CWH43: variants seen among roughly 807,000 people sequenced by gnomAD.
CWH43 encodes PGAP2-interacting protein.
A neutral mutation model predicts 85.7 loss-of-function variants in CWH43; 91 were observed. That is an observed-to-expected ratio of 1.06 (90% confidence interval 0.90 to 1.26). The LOEUF (loss-of-function observed/expected upper bound fraction) is 1.26, where lower values mean the gene tolerates loss of function less well. CWH43 is among the 50% of genes most tolerant of loss of function. The pLI, the probability that CWH43 is intolerant of heterozygous loss-of-function variation, is 0.00. For synonymous variants in CWH43, 323 were observed against 293.6 expected (o/e 1.10, Z -1.02); for missense variants, 869 against 839.2 (o/e 1.04, Z -0.44).
rs538616012 is a variant in CWH43, at chr4:49,061,875, CA to C, written c.2088del (p.Lys696AsnfsTer23). 7.2e-3 allele frequency: 9,996 copies of C among 1,378,812 alleles called. 47 individuals carry two copies. Among genetic ancestry groups the C allele is most frequent in the Non-Finnish European group, 8.6e-3 (8,970 of 1,037,022 alleles). The allele number at this position is 1,378,812 out of a possible 1,614,324, so 85.4% of individuals were successfully genotyped here. ...ACCATCATTTTCATATGAATACTCCCAAATACTTTTTATGAAACATTTAAAA... is the reference window on the plus strand; with the variant it reads ...ACCATCATTTTCATATGAATACTCCCAATACTTTTTATGAAACATTTAAAA... ...NNHHFHMNTP[K>X]YFL is the part of the protein sequence containing the mutation. On this transcript the variant is annotated frameshift_variant, in exon 16 of 16. Coordinates refer to ENST00000226432, the MANE Select transcript of CWH43 (RefSeq NM_025087.3). LOFTEE classifies it high-confidence loss of function.
chr4:49,016,765 G>A (rs1157714902), intron 8 of CWH43: 4 of 777,514 alleles, frequency 5.1e-6, no homozygotes, highest in Non-Finnish European at 2.4e-6. Flanking sequence ...CTTGCATCTA[G>A]CTTCTTCCCA....
At chr4:49,053,886 A>T (rs577017421) in intron 15 of CWH43, among the ~76,000 whole-genome samples, 4 of 152,146 alleles carry the variant, frequency 2.6e-5, no homozygotes, top group Non-Finnish European at 4.4e-5. Flanking sequence ...AATCTGAAAT[A>T]CTTCTGGTCC....
chr4:49,010,993 C>T (rs551411197), intron 8 of CWH43, among the ~76,000 whole-genome samples: 20 of 152,082 alleles, frequency 1.3e-4, no homozygotes, highest in South Asian at 8.3e-4. Context: ...CTATTAGTTC[C>T]GCTTGGTGCA....
chr4:49,003,715 C>A lies in CWH43; in HGVS notation c.803-20C>A. ...AGCTCGACTGCTTTCCTGTCTGATT[C>A]TTTTCTCTCTCACAAACAGGAACAG... On this transcript the variant is annotated intron_variant, in intron 6 of 15. Coordinates refer to ENST00000226432, the MANE Select transcript of CWH43 (RefSeq NM_025087.3). 1.2e-6 allele frequency: 2 copies of A among 1,612,732 alleles called. No individual in the cohort carries two copies. The highest frequency in any genetic ancestry group is 2.7e-5 in the African/African-American group (2 of 74,934).
intron 12 of CWH43, among the ~76,000 whole-genome samples, chr4:49,035,649 T>C (rs1482914350): frequency 1.3e-5 from 2 of 152,196 alleles, no homozygotes; most frequent in Non-Finnish European, 2.9e-5. Context: ...TATTAACAGA[T>C]AAGAAAACAT....
At chr4:49,006,026 A>T (rs1783145316) in intron 7 of CWH43, among the ~76,000 whole-genome samples, 1 of 152,214 alleles carries the variant, frequency 6.6e-6, no homozygotes, top group African/African-American at 2.4e-5. Context: ...TCATCTAATG[A>T]GAGAAACACA....
intron 6 of CWH43, among the ~76,000 whole-genome samples, chr4:49,001,189 G>A (rs1367134626): frequency 4.6e-5 from 7 of 152,258 alleles, no homozygotes; most frequent in Admixed American, 3.9e-4. Context: ...AATTAGTAAA[G>A]CCAGAGTTCT....
At chr4:49,061,734 G>T in intron 15 of CWH43, 78 bp from the exon 16 acceptor site, 1 of 1,136,784 alleles carries the variant, frequency 8.8e-7, no homozygotes, top group Non-Finnish European at 1.1e-6. Context: ...TTTTATGATT[G>T]AAATTTTACA....
intron 12 of CWH43, among the ~76,000 whole-genome samples, chr4:49,033,333 C>T (rs1784161037): frequency 6.6e-6 from 1 of 152,158 alleles, no homozygotes. Context: ...ACTGATAAGC[C>T]TATTTGGACA....
At chr4:49,030,801 T>C (rs773487070) in intron 10 of CWH43, 24 bp from the exon 11 acceptor site, 13 of 1,548,520 alleles carry the variant, frequency 8.4e-6, no homozygotes. Context: ...CATCACTGTA[T>C]GCTACTTTTT....
chr4:49,004,980 CATTTT>C (rs1363432318), intron 7 of CWH43, among the ~76,000 whole-genome samples: 2 of 152,004 alleles, frequency 1.3e-5, no homozygotes, highest in Non-Finnish European at 2.9e-5. Context: ...TGTTGTGAAT[CATTTT>C]AGTTTACATA....
chr4:49,055,591 A>ATTTTTTTTT, intron 15 of CWH43, among the ~76,000 whole-genome samples: 1 of 142,028 alleles, frequency 7.0e-6, no homozygotes, highest in Non-Finnish European at 1.5e-5. Context: ...TTTTTCTTTC[A>ATTTTTTTTT]TTTTTTTTTT....
At position 49,062,079 on chromosome 4, in the gene CWH43, A is replaced by G. The variant is rs1785179473; in HGVS notation, c.*189A>G. Reference sequence around the variant, plus strand: ...TTGCTTAATAAAAACATTTCTCTAAATTGTTTTCCCTAAATTTTGATAAAA... The same window carrying G: ...TTGCTTAATAAAAACATTTCTCTAAGTTGTTTTCCCTAAATTTTGATAAAA... On this transcript the variant is annotated 3_prime_UTR_variant, in exon 16 of 16. Transcript: ENST00000226432. The G allele has an allele frequency of 1.6e-5, 5 of 318,916 alleles. No individual in the cohort carries two copies. The East Asian group carries it at 2.7e-4, about 17-fold the overall frequency. 19.8% of individuals were successfully genotyped at this position (318,916 alleles called of 1,614,324 possible). A position where few individuals can be genotyped will look rare whatever the true frequency, so the allele number is the denominator to read the frequency against.
intron 8 of CWH43, chr4:49,016,646 T>A: frequency 1.3e-6 from 1 of 754,268 alleles, no homozygotes; most frequent in Middle Eastern, 2.9e-4. Context: ...ATCAGAAGCA[T>A]GTGCAGGGGA....
At chr4:49,060,602 T>C (rs1033850031) in intron 15 of CWH43, among the ~76,000 whole-genome samples, 6 of 152,198 alleles carry the variant, frequency 3.9e-5, no homozygotes, top group African/African-American at 1.4e-4. Flanking sequence ...CTACTTACTA[T>C]GCTACCTAGT....
At chr4:49,052,438 T>A (rs567722078) in intron 15 of CWH43, among the ~76,000 whole-genome samples, 1 of 152,288 alleles carries the variant, frequency 6.6e-6, no homozygotes, top group African/African-American at 2.4e-5. Context: ...GCATAGTGAG[T>A]GCTTATTGTT....
At chr4:49,018,501 A>G (rs1783633976) in intron 9 of CWH43, among the ~76,000 whole-genome samples, 1 of 152,202 alleles carries the variant, frequency 6.6e-6, no homozygotes, top group Non-Finnish European at 1.5e-5. Flanking sequence ...TTTGCACATT[A>G]TGGGTAGCTT....
intron 13 of CWH43, among the ~76,000 whole-genome samples, chr4:49,038,524 C>T (rs1051724302): frequency 1.3e-5 from 2 of 152,156 alleles, no homozygotes; most frequent in African/African-American, 2.4e-5. Context: ...GCTACTTAGG[C>T]TTCCTCCCTG....
At chr4:49,027,712 T>G (rs1783959019) in intron 9 of CWH43, among the ~76,000 whole-genome samples, 1 of 152,218 alleles carries the variant, frequency 6.6e-6, no homozygotes, top group Non-Finnish European at 1.5e-5. Flanking sequence ...CATTCTTTAT[T>G]TTAAAATATA....
Sources: allele counts gnomAD v4.1 joint callset (sites outside exome capture counted in the v4.1 genomes callset), GRCh38; gene constraint gnomAD v4.1.1; transcripts MANE v1.5; gene names NCBI Gene and HGNC (gene_info 2026-07-23, HGNC 2026-07-21).